NCAM2: variants seen among roughly 807,000 people sequenced by gnomAD.
The protein encoded by NCAM2 is neural cell adhesion molecule 2, also known as N-CAM-2.
Under a neutral mutation model 98.1 loss-of-function variants are expected in NCAM2, and 30 were observed. The ratio of observed to expected loss-of-function variants is 0.31; its 90% CI spans 0.23 to 0.41. NCAM2 has a LOEUF of 0.41. Among genes scored for constraint, NCAM2 ranks in the 10% least tolerant of loss-of-function variants. NCAM2 has a pLI of 1.00. For missense variants in NCAM2, 867 were observed against 1,005.8 expected, an observed-to-expected ratio of 0.86 and a Z score of 1.87; for synonymous variants, 368 against 342.4, an observed-to-expected ratio of 1.07 and a Z score of -0.83.
At chr21:21,374,566 C>G (rs1292841465) in intron 9 of NCAM2, among the ~76,000 whole-genome samples, 1 of 151,764 alleles carries the variant, frequency 6.6e-6, no homozygotes, top group African/African-American at 2.4e-5. Context: ...TACATAACCA[C>G]GTGAGTTTTG....
At chr21:21,275,335 G>A (rs2147460511) in intron 1 of NCAM2, among the ~76,000 whole-genome samples, 1 of 152,022 alleles carries the variant, frequency 6.6e-6, no homozygotes, top group African/African-American at 2.4e-5. Context: ...AGCTACTCTG[G>A]AGGCTGAGGC....
intron 1 of NCAM2, among the ~76,000 whole-genome samples, chr21:21,167,654 CTTATGGA>C (rs919354535): frequency 1.3e-5 from 2 of 152,024 alleles, no homozygotes; most frequent in Non-Finnish European, 2.9e-5. Context: ...CACTACAGAT[CTTATGGA>C]CATTAAAATC....
chr21:21,250,768 C>G (rs559452072), intron 1 of NCAM2, among the ~76,000 whole-genome samples: 1 of 152,272 alleles, frequency 6.6e-6, no homozygotes, highest in South Asian at 2.1e-4. Context: ...ACTTTCACTT[C>G]ATTATGAATA....
At chr21:21,202,575 C>A (rs2069276361) in intron 1 of NCAM2, among the ~76,000 whole-genome samples, 1 of 151,746 alleles carries the variant, frequency 6.6e-6, no homozygotes, top group Non-Finnish European at 1.5e-5. Context: ...TGCCACCATG[C>A]CTGGCTAATT....
At chr21:21,494,447 G>A (rs1208048830) in intron 15 of NCAM2, among the ~76,000 whole-genome samples, 1 of 151,108 alleles carries the variant, frequency 6.6e-6, no homozygotes, top group Non-Finnish European at 1.5e-5. Flanking sequence ...CTTTTACACT[G>A]GCTAATACAT....
At chr21:21,536,511 C>A (rs1218327414) in intron 17 of NCAM2, among the ~76,000 whole-genome samples, 1 of 151,884 alleles carries the variant, frequency 6.6e-6, no homozygotes, top group Non-Finnish European at 1.5e-5. Flanking sequence ...CCTGTCTCAG[C>A]CTCCCGAATA....
chr21:21,047,709 A>G (rs1319205747), intron 1 of NCAM2, among the ~76,000 whole-genome samples: 1 of 152,162 alleles, frequency 6.6e-6, no homozygotes, highest in Admixed American at 6.5e-5. Context: ...TTTTTCTTTC[A>G]TAACTCATTA....
intron 1 of NCAM2, among the ~76,000 whole-genome samples, chr21:21,259,652 G>A (rs1601791996): frequency 6.6e-6 from 1 of 152,112 alleles, no homozygotes; most frequent in Admixed American, 6.6e-5. Flanking sequence ...GCTAGTTCAT[G>A]TGATAGGATT....
intron 1 of NCAM2, among the ~76,000 whole-genome samples, chr21:21,098,976 C>A (rs2066182267): frequency 6.6e-6 from 1 of 151,680 alleles, no homozygotes; most frequent in Admixed American, 6.6e-5. Flanking sequence ...TTATAAAAAG[C>A]TAAGAATCAA....
intron 15 of NCAM2, among the ~76,000 whole-genome samples, chr21:21,480,320 TGG>T (rs1985741333): frequency 7.5e-6 from 1 of 132,976 alleles, no homozygotes; most frequent in African/African-American, 3.0e-5. Context: ...TGAGCCGAGA[TGG>T]CGCCACTGCA....
At chr21:21,337,659 C>G (rs919202513) in intron 7 of NCAM2, among the ~76,000 whole-genome samples, 7 of 151,918 alleles carry the variant, frequency 4.6e-5, no homozygotes, top group African/African-American at 1.7e-4. Context: ...CTCTCTGGAA[C>G]TATGTAAGTT....
chr21:21,512,906 A>C (rs1287012983), intron 16 of NCAM2, among the ~76,000 whole-genome samples: 1 of 152,020 alleles, frequency 6.6e-6, no homozygotes, highest in African/African-American at 2.4e-5. Flanking sequence ...ACATGTGGAA[A>C]TGTTACTGAT....
At chr21:21,039,687 C>T (rs543851850) in intron 1 of NCAM2, among the ~76,000 whole-genome samples, 65 of 152,218 alleles carry the variant, frequency 4.3e-4, no homozygotes, top group Admixed American at 1.0e-3. Context: ...TGTGTGAAAA[C>T]ATTACAAATG....
chr21:21,311,766 G>C (rs966345150), intron 5 of NCAM2, among the ~76,000 whole-genome samples: 1 of 136,598 alleles, frequency 7.3e-6, no homozygotes, highest in Non-Finnish European at 1.6e-5. Context: ...TAGTTTTGGA[G>C]CTGTTGTACA....
intron 1 of NCAM2, among the ~76,000 whole-genome samples, chr21:21,202,408 C>CTTTTTTTT (rs11385750): frequency 2.4e-4 from 19 of 80,220 alleles, no homozygotes; most frequent in African/African-American, 8.1e-4. Context: ...AGCAAATATC[C>CTTTTTTTT]TTTTTTTTTT....
intron 11 of NCAM2, among the ~76,000 whole-genome samples, chr21:21,418,815 C>T (rs368559294): frequency 6.6e-6 from 1 of 151,964 alleles, no homozygotes; most frequent in African/African-American, 2.4e-5. Flanking sequence ...TTCAGTGGTA[C>T]GGTAGGGCTA....
At chr21:21,438,784 A>C (rs566133893) in intron 12 of NCAM2, among the ~76,000 whole-genome samples, 51 of 152,152 alleles carry the variant, frequency 3.4e-4, no homozygotes, top group African/African-American at 1.2e-3. Flanking sequence ...TGACAATATC[A>C]ATATTTTAAA....
intron 4 of NCAM2, among the ~76,000 whole-genome samples, chr21:21,286,725 T>A (rs1353381591): frequency 6.6e-6 from 1 of 151,764 alleles, no homozygotes; most frequent in Non-Finnish European, 1.5e-5. Flanking sequence ...CCTAAAAAAA[T>A]GTACAATCGT....
At chr21:21,091,951 G>T (rs955268617) in intron 1 of NCAM2, among the ~76,000 whole-genome samples, 1 of 152,038 alleles carries the variant, frequency 6.6e-6, no homozygotes, top group Non-Finnish European at 1.5e-5. Flanking sequence ...GTAGGGGCTC[G>T]GTTTTAGATA....
Sources: gnomAD v4.1 joint callset for allele counts (sites outside exome capture counted in the v4.1 genomes callset) on GRCh38, gnomAD v4.1.1 for gene constraint, MANE v1.5 for transcripts, NCBI Gene and HGNC (gene_info 2026-07-23, HGNC 2026-07-21) for gene names.